DDX50: variants seen among roughly 807,000 people sequenced by gnomAD.
The protein encoded by DDX50 is DExD-box helicase 50, also known as ATP-dependent RNA helicase DDX50.
A neutral mutation model predicts 94.8 loss-of-function variants in DDX50; 56 were observed. That is an observed-to-expected ratio of 0.59 (90% CI 0.48 to 0.74). The LOEUF (loss-of-function observed/expected upper bound fraction) is 0.74. Ranked by LOEUF, DDX50 falls within the 30% of genes least tolerant of loss-of-function variation. The probability of loss-of-function intolerance (pLI) is 0.00; values close to 1 mark genes in which losing one functional copy is unlikely to be tolerated. For synonymous variants in DDX50, 264 were observed against 295.4 expected, an observed-to-expected ratio of 0.89 and a Z score of 1.09; for missense variants, 713 against 881.2, an observed-to-expected ratio of 0.81 and a Z score of 2.42.
At chr10:68,905,150 AG>A (rs1354995859) in intron 1 of DDX50, among the ~76,000 whole-genome samples, 6 of 152,100 alleles carry the variant, frequency 3.9e-5, no homozygotes, top group Admixed American at 6.6e-5. Context: ...TCCTGACCTC[AG>A]GTGATCCGCC....
chr10:68,918,707 G>A (rs1393043677), intron 7 of DDX50, among the ~76,000 whole-genome samples: 2 of 151,106 alleles, frequency 1.3e-5, no homozygotes, highest in African/African-American at 2.4e-5. Flanking sequence ...GATTACAGGC[G>A]TGAGCCACTA....
At chr10:68,932,016 A>G (rs748368282) in intron 8 of DDX50, among the ~76,000 whole-genome samples, 4 of 152,124 alleles carry the variant, frequency 2.6e-5, no homozygotes, top group Non-Finnish European at 5.9e-5. Flanking sequence ...TTTCCCCTCA[A>G]ACAAGACTGA....
intron 8 of DDX50, among the ~76,000 whole-genome samples, chr10:68,928,204 A>C (rs985027752): frequency 6.6e-5 from 10 of 152,050 alleles, no homozygotes; most frequent in Non-Finnish European, 1.3e-4. Flanking sequence ...GGTCCAAGCT[A>C]CTGAGGAGGC....
intron 8 of DDX50, among the ~76,000 whole-genome samples, chr10:68,925,270 A>AT (rs78283932): frequency 0.073 from 10,553 of 145,412 alleles, 498 homozygotes; most frequent in Non-Finnish European, 0.11. Context: ...TGCCCAACTA[A>AT]TTTTTTTTTT....
At chr10:68,903,525 G>A (rs1323342228) in intron 1 of DDX50, among the ~76,000 whole-genome samples, 1 of 151,978 alleles carries the variant, frequency 6.6e-6, no homozygotes, top group African/African-American at 2.4e-5. Flanking sequence ...AAAAGGCCAG[G>A]TGCGGTGGCT....
chr10:68,931,499 G>A (rs1041945737), intron 8 of DDX50, among the ~76,000 whole-genome samples: 3 of 148,924 alleles, frequency 2.0e-5, no homozygotes, highest in African/African-American at 7.4e-5. Flanking sequence ...GGAGTGCAGT[G>A]GCACAGTCTC....
intron 1 of DDX50, among the ~76,000 whole-genome samples, chr10:68,904,423 GAGGA>G (rs528403001): frequency 2.0e-5 from 3 of 152,216 alleles, no homozygotes; most frequent in Non-Finnish European, 2.9e-5. Flanking sequence ...GAATGTAGGT[GAGGA>G]AGGGAGTCTG....
chr10:68,914,226 T>TA, intron 7 of DDX50, 22 bp downstream of exon 7: 1 of 1,602,852 alleles, frequency 6.2e-7, no homozygotes, highest in South Asian at 1.1e-5. Flanking sequence ...TCTAGCATGA[T>TA]AGATTTTAGC....
chr10:68,918,850 G>A lies in DDX50; in HGVS notation c.1090-982G>A, dbSNP rs558352266. Among the ~76,000 whole-genome samples, 6 of 152,322 alleles carry A rather than the reference G, an allele frequency of 3.9e-5. No individual in the cohort carries two copies. In the East Asian group the frequency reaches 9.6e-4, roughly 24 times the overall value. On this transcript the variant is annotated intron_variant, in intron 7 of 14. Coordinates refer to ENST00000373585, the MANE Select transcript of DDX50 (RefSeq NM_024045.2). ...CATAACGATGTTTTGGTCAGTGATGGACCATATATATGATGGCATATGCTC... is the reference window on the plus strand; with the variant it reads ...CATAACGATGTTTTGGTCAGTGATGAACCATATATATGATGGCATATGCTC...
chr10:68,927,091 T>C (rs1038896050), intron 8 of DDX50, among the ~76,000 whole-genome samples: 6 of 152,058 alleles, frequency 3.9e-5, no homozygotes, highest in African/African-American at 1.4e-4. Context: ...TTTTTATTTT[T>C]TGTAGAGACA....
intron 10 of DDX50, among the ~76,000 whole-genome samples, chr10:68,935,745 G>T (rs1842390005): frequency 6.6e-6 from 1 of 152,126 alleles, no homozygotes; most frequent in African/African-American, 2.4e-5. Context: ...TGAGGCAGGA[G>T]AATTGCTTGA....
At chr10:68,901,728 A>G (rs1841293459) in intron 1 of DDX50, among the ~76,000 whole-genome samples, 1 of 152,220 alleles carries the variant, frequency 6.6e-6, no homozygotes, top group Non-Finnish European at 1.5e-5. Context: ...CCTGAATCTC[A>G]GATGGGCAGA....
intron 6 of DDX50, 66 bp downstream of exon 6, chr10:68,913,642 T>G: frequency 6.8e-7 from 1 of 1,473,174 alleles, no homozygotes; most frequent in South Asian, 1.3e-5. Flanking sequence ...AACGAGTTTT[T>G]ATTTAATAAT....
intron 8 of DDX50, among the ~76,000 whole-genome samples, chr10:68,929,825 C>T (rs536809880): frequency 2.9e-4 from 43 of 150,788 alleles, no homozygotes; most frequent in African/African-American, 8.3e-4. Context: ...CCTCTGCCCC[C>T]GGGTTCAAGT....
At chr10:68,904,016 C>T (rs1291284397) in intron 1 of DDX50, among the ~76,000 whole-genome samples, 1 of 144,610 alleles carries the variant, frequency 6.9e-6, no homozygotes, top group Admixed American at 6.9e-5. Flanking sequence ...TGGTGGCAGA[C>T]GCCTGTAATC....
intron 4 of DDX50, among the ~76,000 whole-genome samples, chr10:68,912,631 A>G (rs1174485295): frequency 1.3e-5 from 2 of 152,244 alleles, no homozygotes; most frequent in Non-Finnish European, 2.9e-5. Flanking sequence ...CAAGTCTCTC[A>G]TTTACGAAAA....
At chr10:68,918,555 T>A (rs1841864338) in intron 7 of DDX50, among the ~76,000 whole-genome samples, 1 of 150,394 alleles carries the variant, frequency 6.6e-6, no homozygotes, top group African/African-American at 2.4e-5. Context: ...CCTTACTCAG[T>A]CTCCCGAGTA....
intron 14 of DDX50, among the ~76,000 whole-genome samples, chr10:68,945,349 C>T (rs1842646896): frequency 6.6e-6 from 1 of 151,932 alleles, no homozygotes. Context: ...CTCTGTCGCC[C>T]AGGCTGGAGT....
At chr10:68,937,220 C>A (rs1842445139) in intron 12 of DDX50, 125 bp downstream of exon 12, 3 of 1,053,420 alleles carry the variant, frequency 2.8e-6, no homozygotes, top group African/African-American at 1.6e-5. Context: ...AGAAACTGGT[C>A]TCCTTATTTT....
Sources: allele counts gnomAD v4.1 joint callset (sites outside exome capture counted in the v4.1 genomes callset), GRCh38; gene constraint gnomAD v4.1.1; transcripts MANE v1.5; gene names NCBI Gene and HGNC (gene_info 2026-07-23, HGNC 2026-07-21).